The following MAT2B variants were observed in gnomAD, a reference collection of about 807,000 sequenced individuals.
MAT2B encodes the protein methionine adenosyltransferase 2 subunit beta.
MAT2B carries 16 observed loss-of-function variants against 36.1 expected under a neutral mutation model. The ratio of observed to expected loss-of-function variants is 0.44; its 90% CI spans 0.30 to 0.67. The LOEUF (loss-of-function observed/expected upper bound fraction) is 0.67, where lower values mean the gene tolerates loss of function less well. Among genes scored for constraint, MAT2B ranks in the 30% least tolerant of loss-of-function variants. The pLI, the probability that MAT2B is intolerant of heterozygous loss-of-function variation, is 0.09. For missense variants in MAT2B, 332 were observed against 398.2 expected (o/e 0.83, Z 1.42); for synonymous variants, 148 against 136.9 (o/e 1.08, Z -0.57).
At chr5:163,509,007 C>G (rs1245436506) in intron 1 of MAT2B, among the ~76,000 whole-genome samples, 1 of 152,048 alleles carries the variant, frequency 6.6e-6, no homozygotes. Flanking sequence ...TCCTTTTTTA[C>G]GTTAAGGTAT....
chr5:163,515,694 A>G (rs1760119052), intron 4 of MAT2B, among the ~76,000 whole-genome samples: 1 of 151,346 alleles, frequency 6.6e-6, no homozygotes, highest in Admixed American at 6.6e-5. Flanking sequence ...TGATCATATT[A>G]ATGTAGGATT....
In MAT2B at chr5:163,518,230, G is replaced by A; in HGVS notation, c.872G>A (p.Arg291Lys). Residue 291 changes from arginine to lysine, a missense_variant, in exon 7 of 7, where the codon AGA (arginine) becomes AAA (lysine). Coordinates refer to ENST00000321757, the MANE Select transcript of MAT2B (RefSeq NM_013283.5). ...DSPVLGAQRP[R>K]NAQLDCSKLE... ...CCTGTCCTAGGAGCACAACGTCCGA[G>A]AAATGCTCAGCTTGACTGCTCCAAA... 3 of 1,612,668 alleles carry A rather than the reference G, an allele frequency of 1.9e-6. No homozygotes were observed. Among genetic ancestry groups the A allele is most frequent in the Non-Finnish European group, 2.5e-6 (3 of 1,179,552 alleles).
intron 4 of MAT2B, among the ~76,000 whole-genome samples, chr5:163,516,067 G>A (rs192341330): frequency 2.5e-4 from 38 of 152,096 alleles, no homozygotes; most frequent in Non-Finnish European, 4.7e-4. Flanking sequence ...TTTTGAGGCA[G>A]GGTCTCACTC....
At chr5:163,505,467 G>C, upstream of MAT2B, 2 of 1,188,752 alleles carry the variant, frequency 1.7e-6, no homozygotes, top group Non-Finnish European at 2.1e-6. Context: ...GCATCGGCGC[G>C]TGGGCTGGGG....
At chr5:163,510,039 C>T (rs912272469) in intron 1 of MAT2B, among the ~76,000 whole-genome samples, 7 of 151,946 alleles carry the variant, frequency 4.6e-5, no homozygotes, top group East Asian at 1.9e-4. Context: ...TGTATGTATT[C>T]GGCTAAGTAA....
At chr5:163,504,380 G>C (rs539717818), upstream of MAT2B, among the ~76,000 whole-genome samples, 1 of 152,162 alleles carries the variant, frequency 6.6e-6, no homozygotes, top group Non-Finnish European at 1.5e-5. Context: ...TTCGATTACT[G>C]TTCTAGAGAA....
At chr5:163,507,037 C>G (rs1047519174) in intron 1 of MAT2B, among the ~76,000 whole-genome samples, 1 of 152,144 alleles carries the variant, frequency 6.6e-6, no homozygotes, top group African/African-American at 2.4e-5. Context: ...TTAGACCAAT[C>G]CCACCTAAGT....
At chr5:163,518,165 AT>A in intron 6 of MAT2B, 27 bp from the exon 7 acceptor site, 2 of 1,549,082 alleles carry the variant, frequency 1.3e-6, no homozygotes, top group East Asian at 2.3e-5. Context: ...CTTACTTTTG[AT>A]TTTTTTGTGT....
intron 6 of MAT2B, 101 bp from the exon 7 acceptor site, chr5:163,518,091 TA>T: frequency 1.3e-6 from 1 of 788,532 alleles, no homozygotes; most frequent in Non-Finnish European, 1.9e-6. Flanking sequence ...CATCTCTGTT[TA>T]AAAATATATA....
chr5:163,513,710 A>G lies in MAT2B; in HGVS notation c.373+41A>G, dbSNP rs1413903397. 6.4e-6 allele frequency: 10 copies of G among 1,550,418 alleles called. No individual in the cohort carries two copies. The Admixed American group carries it at 1.7e-4, about 27-fold the overall frequency. On this transcript the variant is annotated intron_variant, in intron 3 of 6. Transcript: ENST00000321757. ...TAAAATTTTCATAAAATATTAAGTG[A>G]TTGCTGAGTTTTTAGAAATTAAGGT...
At chr5:163,509,589 G>A (rs1760006654) in intron 1 of MAT2B, among the ~76,000 whole-genome samples, 1 of 152,204 alleles carries the variant, frequency 6.6e-6, no homozygotes, top group African/African-American at 2.4e-5. Flanking sequence ...ACTGTTACCT[G>A]TTCCTTTGCT....
At chr5:163,516,276 C>T (rs1466583581) in intron 4 of MAT2B, among the ~76,000 whole-genome samples, 2 of 152,140 alleles carry the variant, frequency 1.3e-5, no homozygotes, top group Admixed American at 1.3e-4. Context: ...TCTTGAACTC[C>T]TGGCTTCAAG....
rs781633128 is a variant in MAT2B, at chr5:163,511,981, C to A, written c.64-21C>A. 3.8e-6 allele frequency: 6 copies of A among 1,582,580 alleles called. No homozygotes were observed. The South Asian group carries it at 6.7e-5, about 18-fold the overall frequency. On this transcript the variant is annotated intron_variant, in intron 1 of 6. Coordinates refer to ENST00000321757, the MANE Select transcript of MAT2B (RefSeq NM_013283.5). ...CTGTTTTCAAAGTTAGTAACTCTTT[C>A]TATCCGCCTTCACCTTTTAGGAGGA...
upstream of MAT2B, chr5:163,503,469 A>G (rs758237935): frequency 6.3e-7 from 1 of 1,577,596 alleles, no homozygotes; most frequent in South Asian, 1.1e-5. Flanking sequence ...AGAGTAAGAG[A>G]TGCTTTAAAA....
chr5:163,513,288 G>A lies in MAT2B; in HGVS notation c.259-267G>A, dbSNP rs76709946. ...TACATGCATGAACCGTCACACCAGA[G>A]TAGAAATACAGTTGTTGACAGTTTT... On this transcript the variant is annotated intron_variant, in intron 2 of 6. Transcript: ENST00000321757. 591 of 306,924 alleles carry A rather than the reference G, an allele frequency of 1.9e-3. 1 individual carries two copies. The highest frequency in any genetic ancestry group is 0.012 in the African/African-American group (547 of 46,426). 19.0% of individuals were successfully genotyped at this position (306,924 alleles called of 1,614,324 possible). A position where few individuals can be genotyped will look rare whatever the true frequency, so the allele number is the denominator to read the frequency against.
Position 163,518,354 on chromosome 5 carries a change from C to G in MAT2B, c.996C>G (p.Val332=). 6.2e-7 allele frequency: 1 copy of G among 1,600,002 alleles called. No individual in the cohort carries two copies. The highest frequency in any genetic ancestry group is 1.4e-5 in the African/African-American group (1 of 73,690). The change falls in exon 7 of 7, where the codon GTC becomes GTG. Residue 332 remains valine (V), a synonymous_variant. Coordinates refer to ENST00000321757, the MANE Select transcript of MAT2B (RefSeq NM_013283.5). ...FLIDKRWRQT[V]FH ...TTGACAAGAGATGGAGACAAACGGT[C>G]TTTCATTAGTTTATTTGTGTTGGGT...
chr5:163,506,047 G>A (rs1484010813), intron 1 of MAT2B, among the ~76,000 whole-genome samples: 2 of 152,116 alleles, frequency 1.3e-5, no homozygotes, highest in African/African-American at 4.8e-5. Flanking sequence ...TTTCAGAATT[G>A]TTTGTTTTGA....
At chr5:163,512,613 C>T in intron 2 of MAT2B, 1 of 414,512 alleles carries the variant, frequency 2.4e-6, no homozygotes, top group Non-Finnish European at 4.7e-6. Context: ...ATGTTAATTG[C>T]ATAAATGATA....
In MAT2B at chr5:163,516,725, C is replaced by G. The variant is rs1391396949; in HGVS notation, c.720+14C>G. On this transcript the variant is annotated intron_variant, in intron 5 of 6. Coordinates refer to ENST00000321757, the MANE Select transcript of MAT2B (RefSeq NM_013283.5). ...AAGAGAATGCTGGTAAGAAGGATTC[C>G]TGAGTCCTGTCTTAGCGAAGGTCCG... is the stretch of plus-strand genomic sequence containing the variant. 3 of 1,613,756 alleles carry G rather than the reference C, an allele frequency of 1.9e-6. No homozygotes were observed. The highest frequency in any genetic ancestry group is 2.5e-6 in the Non-Finnish European group (3 of 1,179,772).
Sources: gnomAD v4.1 joint callset for allele counts (sites outside exome capture counted in the v4.1 genomes callset) on GRCh38, gnomAD v4.1.1 for gene constraint, MANE v1.5 for transcripts, NCBI Gene and HGNC (gene_info 2026-07-23, HGNC 2026-07-21) for gene names.